Variants in FAM107B observed in about 807,000 individuals in gnomAD.
FAM107B encodes the protein family with sequence similarity 107 member B.
Under a neutral mutation model 31.5 loss-of-function variants are expected in FAM107B, and 21 were observed. That is an observed-to-expected ratio of 0.67 (90% confidence interval 0.47 to 0.96). FAM107B has a LOEUF of 0.96. FAM107B is among the 40% of genes least tolerant of loss of function. FAM107B has a pLI of 0.00. For synonymous variants in FAM107B, 157 were observed against 141.5 expected (o/e 1.11, Z -0.78); for missense variants, 452 against 377.1 (o/e 1.20, Z -1.64).
At chr10:14,614,663 C>G (rs117986195) in intron 2 of FAM107B, among the ~76,000 whole-genome samples, 5,124 of 132,678 alleles carry the variant, frequency 0.039, 134 homozygotes, top group East Asian at 0.081. Flanking sequence ...ACACAGCAAG[C>G]GAGACTCTGT....
intron 2 of FAM107B, among the ~76,000 whole-genome samples, chr10:14,534,275 G>A (rs1402228724): frequency 1.3e-5 from 2 of 152,078 alleles, no homozygotes; most frequent in Non-Finnish European, 2.9e-5. Flanking sequence ...TGAACGGGCC[G>A]GAGCAACCCC....
At position 14,647,857 on chromosome 10, in the gene FAM107B, A is replaced by C. The variant is rs529659373; in HGVS notation, c.469+19777T>G. The stretch of plus-strand genomic sequence containing the variant: ...AGGGCTGTCTCCAGATGCCAAGGCA[A>C]TGCGGTAAACACCCTCTAATATTGC... On this transcript the variant is annotated intron_variant, in intron 2 of 4. Transcript: ENST00000181796. Among the ~76,000 whole-genome samples, 24 of 152,294 alleles carry C rather than the reference A, an allele frequency of 1.6e-4. No individual in the cohort carries two copies. The South Asian group carries it at 2.9e-3, about 18-fold the overall frequency.
chr10:14,697,364 C>T (rs1019182597), intron 1 of FAM107B, among the ~76,000 whole-genome samples: 2 of 152,116 alleles, frequency 1.3e-5, no homozygotes, highest in African/African-American at 2.4e-5. Context: ...GCCTGGAATC[C>T]GGAATCATTT....
intron 2 of FAM107B, chr10:14,548,295 G>A (rs1204986102): frequency 5.4e-6 from 2 of 373,588 alleles, no homozygotes; most frequent in Non-Finnish European, 7.4e-6. Context: ...CTGGGAACAC[G>A]GACACCCTGG....
At chr10:14,614,809 C>A (rs541701612) in intron 2 of FAM107B, among the ~76,000 whole-genome samples, 25 of 151,848 alleles carry the variant, frequency 1.6e-4, no homozygotes, top group South Asian at 2.1e-4. Context: ...GTGATGGGCA[C>A]CTTTGTGAAA....
At chr10:14,579,691 T>G (rs1851573353) in intron 2 of FAM107B, among the ~76,000 whole-genome samples, 1 of 152,236 alleles carries the variant, frequency 6.6e-6, no homozygotes, top group Non-Finnish European at 1.5e-5. Flanking sequence ...AAGAGGAGGA[T>G]AAAACTGTTC....
intron 1 of FAM107B, among the ~76,000 whole-genome samples, chr10:14,756,895 C>T (rs1458477994): frequency 1.3e-5 from 2 of 152,124 alleles, no homozygotes; most frequent in East Asian, 3.9e-4. Flanking sequence ...TCATTCTTAG[C>T]AAACTAACAC....
chr10:14,617,754 CAAAAAAAAA>C (rs35039591), intron 2 of FAM107B, among the ~76,000 whole-genome samples: 39 of 68,800 alleles, frequency 5.7e-4, no homozygotes, highest in African/African-American at 2.5e-3. Context: ...AGGTAGACGC[CAAAAAAAAA>C]AAAAAAAAAA....
intron 1 of FAM107B, among the ~76,000 whole-genome samples, chr10:14,725,591 T>G (rs1359372222): frequency 6.9e-6 from 1 of 145,672 alleles, no homozygotes; most frequent in African/African-American, 2.6e-5. Context: ...CCTCACATGG[T>G]AGGGGGAGAA....
intron 2 of FAM107B, among the ~76,000 whole-genome samples, chr10:14,594,376 G>A (rs117745133): frequency 0.022 from 3,269 of 151,624 alleles, 49 homozygotes; most frequent in Non-Finnish European, 0.034. Flanking sequence ...GTGGTGAAGC[G>A]CTCTGCAGTC....
chr10:14,559,859 G>A (rs1231574266), intron 2 of FAM107B, among the ~76,000 whole-genome samples: 2 of 151,924 alleles, frequency 1.3e-5, no homozygotes, highest in Non-Finnish European at 2.9e-5. Flanking sequence ...GTGAGCCACC[G>A]CGCCCGGCCT....
chr10:14,551,657 C>T (rs959678190), intron 2 of FAM107B, among the ~76,000 whole-genome samples: 1 of 148,490 alleles, frequency 6.7e-6, no homozygotes, highest in African/African-American at 2.5e-5. Context: ...AAGACATAAA[C>T]CTTATTTTCC....
intron 2 of FAM107B, among the ~76,000 whole-genome samples, chr10:14,565,262 G>T (rs1850563983): frequency 6.6e-6 from 1 of 152,180 alleles, no homozygotes; most frequent in Admixed American, 6.5e-5. Flanking sequence ...GAGTAGCAAT[G>T]AAGTGTGCTG....
At chr10:14,625,900 C>T (rs1169880476) in intron 2 of FAM107B, among the ~76,000 whole-genome samples, 1 of 112,524 alleles carries the variant, frequency 8.9e-6, no homozygotes, top group Non-Finnish European at 1.8e-5. Flanking sequence ...AACAGGGCTG[C>T]TGAATAATCA....
intron 2 of FAM107B, among the ~76,000 whole-genome samples, chr10:14,531,539 GAAAA>G (rs59782461): frequency 8.3e-6 from 1 of 120,678 alleles, no homozygotes; most frequent in African/African-American, 3.0e-5. Context: ...TAAAAGAAAA[GAAAA>G]AAAAAAAAAA....
intron 1 of FAM107B, among the ~76,000 whole-genome samples, chr10:14,759,561 G>A (rs1444414572): frequency 6.6e-6 from 1 of 152,096 alleles, no homozygotes; most frequent in South Asian, 2.1e-4. Context: ...TGAGGATGGG[G>A]GCGCTGTCAT....
intron 1 of FAM107B, among the ~76,000 whole-genome samples, chr10:14,689,376 T>C (rs1402887794): frequency 1.6e-5 from 1 of 63,918 alleles, no homozygotes. Flanking sequence ...TAAGACCCTA[T>C]CTCAAAAAAA....
intron 2 of FAM107B, among the ~76,000 whole-genome samples, chr10:14,575,804 C>T (rs746649552): frequency 6.6e-6 from 1 of 152,130 alleles, no homozygotes; most frequent in Non-Finnish European, 1.5e-5. Context: ...TTTTAAAATG[C>T]GGGCTGTGAC....
At chr10:14,602,471 GATTTT>G (rs1284658453) in intron 2 of FAM107B, 7 of 152,118 alleles carry the variant, frequency 4.6e-5, no homozygotes, top group African/African-American at 1.4e-4. Flanking sequence ...GCTAAAGAAC[GATTTT>G]ATTTTAAAAG....
Sources: allele counts gnomAD v4.1 joint callset (sites outside exome capture counted in the v4.1 genomes callset), GRCh38; gene constraint gnomAD v4.1.1; transcripts MANE v1.5; gene names NCBI Gene and HGNC (gene_info 2026-07-23, HGNC 2026-07-21).